The following TMC7 variants were observed in gnomAD, a reference collection of about 807,000 sequenced individuals.
The protein encoded by TMC7 is transmembrane channel like 7.
TMC7 carries 54 observed loss-of-function variants against 82.9 expected under a neutral mutation model. That is an observed-to-expected ratio of 0.65 (90% confidence interval 0.52 to 0.82). The LOEUF (loss-of-function observed/expected upper bound fraction) is 0.82. Among genes scored for constraint, TMC7 ranks in the 40% least tolerant of loss-of-function variants. The pLI is 0.00. For missense variants in TMC7, 820 were observed against 901.2 expected (o/e 0.91, Z 1.15); for synonymous variants, 350 against 337.9 (o/e 1.04, Z -0.39).
chr16:19,042,517 C>CT (rs1394691889), intron 9 of TMC7, among the ~76,000 whole-genome samples: 8 of 114,816 alleles, frequency 7.0e-5, no homozygotes, highest in Non-Finnish European at 1.1e-4. Context: ...TTTTTTTTTT[C>CT]TTTTTTTTGA....
chr16:19,045,201 C>A, intron 10 of TMC7, 140 bp from the exon 11 acceptor site: 1 of 845,260 alleles, frequency 1.2e-6, no homozygotes, highest in Non-Finnish European at 2.0e-6. Context: ...TGTGCTGAGG[C>A]TCAGAGTTTG....
intron 1 of TMC7, among the ~76,000 whole-genome samples, chr16:18,990,565 G>T (rs1003509748): frequency 1.3e-5 from 2 of 152,198 alleles, no homozygotes; most frequent in Non-Finnish European, 2.9e-5. Flanking sequence ...CAGGCTTTGC[G>T]TGAGCAGCGT....
At chr16:19,047,002 T>G in intron 11 of TMC7, 61 bp from the exon 12 acceptor site, 156 of 1,410,218 alleles carry the variant, frequency 1.1e-4, no homozygotes, top group Non-Finnish European at 1.4e-4. Context: ...CTGATCTTTG[T>G]GATATGGTTC....
intron 5 of TMC7, among the ~76,000 whole-genome samples, chr16:19,025,158 A>G (rs948435244): frequency 6.6e-6 from 1 of 152,210 alleles, no homozygotes. Flanking sequence ...TGCCAGCAGC[A>G]CTGCCCTCTT....
chr16:19,049,553 C>T, intron 12 of TMC7: 1 of 887,994 alleles, frequency 1.1e-6, no homozygotes, highest in Non-Finnish European at 1.4e-6. Flanking sequence ...TGGCCGAAAT[C>T]ATCAAAGGAG....
intron 1 of TMC7, among the ~76,000 whole-genome samples, chr16:19,002,526 A>G (rs1308941659): frequency 6.6e-6 from 1 of 151,866 alleles, no homozygotes; most frequent in Non-Finnish European, 1.5e-5. Context: ...CGTGAGCCAC[A>G]GTGCCCAGCC....
At chr16:19,044,862 C>CTCTCTCCT (rs1567525441) in intron 9 of TMC7, 22 bp from the exon 10 acceptor site, 1 of 1,596,078 alleles carries the variant, frequency 6.3e-7, no homozygotes, top group South Asian at 1.1e-5. Flanking sequence ...TCTTCCCATC[C>CTCTCTCCT]TCTCTCCTTC....
Position 19,056,677 on chromosome 16 carries a change from TC to T in TMC7, c.2009del (p.Pro670LeufsTer4). 6.2e-7 allele frequency: 1 copy of T among 1,613,966 alleles called. No individual in the cohort carries two copies. The highest frequency in any genetic ancestry group is 1.6e-4 in the Middle Eastern group (1 of 6,062). The stretch of plus-strand genomic sequence containing the variant: ...GTGTCACATCCGAAGCCTTTGCAGT[TC>T]CTTTCTTCATGATTATTTGGTGAGT... ...HGVTSEAFAV[P>X]FFMIICLIMF... On this transcript the variant is annotated frameshift_variant, in exon 14 of 16. Transcript: ENST00000304381. LOFTEE classifies it high-confidence loss of function.
intron 1 of TMC7, among the ~76,000 whole-genome samples, chr16:19,002,765 A>G (rs1172891553): frequency 6.6e-6 from 1 of 152,186 alleles, no homozygotes; most frequent in Non-Finnish European, 1.5e-5. Context: ...GCACCCCAAT[A>G]TCTGAAATAT....
intron 1 of TMC7, among the ~76,000 whole-genome samples, chr16:19,001,119 T>A (rs1377338874): frequency 1.3e-5 from 2 of 152,238 alleles, no homozygotes; most frequent in Non-Finnish European, 2.9e-5. Flanking sequence ...TAAAATCTTT[T>A]ACTCATTTTT....
chr16:18,999,320 A>C (rs934474693), intron 1 of TMC7, among the ~76,000 whole-genome samples: 3 of 152,214 alleles, frequency 2.0e-5, no homozygotes, highest in Admixed American at 6.5e-5. Context: ...CAATTGCTTA[A>C]TAGTCCCATG....
At chr16:19,022,988 C>T (rs1960051284) in intron 4 of TMC7, 125 bp from the exon 5 acceptor site, 1 of 507,290 alleles carries the variant, frequency 2.0e-6, no homozygotes, top group Non-Finnish European at 3.5e-6. Context: ...CCATTGCACT[C>T]CAGTCTGGAT....
chr16:19,003,441 C>G (rs539096232), intron 1 of TMC7, among the ~76,000 whole-genome samples: 2 of 149,238 alleles, frequency 1.3e-5, no homozygotes, highest in Non-Finnish European at 3.0e-5. Flanking sequence ...CCAGCCGCCC[C>G]GTCCGGGAGG....
intron 7 of TMC7, among the ~76,000 whole-genome samples, 164 bp downstream of exon 7, chr16:19,035,987 C>T (rs1431038189): frequency 6.6e-6 from 1 of 152,116 alleles, no homozygotes; most frequent in Non-Finnish European, 1.5e-5. Context: ...ACAGCGAACA[C>T]GTTACTGGGG....
chr16:19,014,211 G>A (rs1291073957), intron 2 of TMC7, among the ~76,000 whole-genome samples: 1 of 151,990 alleles, frequency 6.6e-6, no homozygotes, highest in Non-Finnish European at 1.5e-5. Flanking sequence ...TCTCTGTTGT[G>A]GAGGGCTGTC....
intron 15 of TMC7, chr16:19,059,744 A>C: frequency 2.1e-6 from 3 of 1,410,072 alleles, no homozygotes; most frequent in Non-Finnish European, 2.9e-6. Flanking sequence ...TGGGAGGCCG[A>C]GGCAGGCAGA....
chr16:19,057,006 G>A (rs1290931441), intron 14 of TMC7, among the ~76,000 whole-genome samples: 1 of 152,064 alleles, frequency 6.6e-6, no homozygotes, highest in Non-Finnish European at 1.5e-5. Flanking sequence ...GGGCATGGTG[G>A]TGCATGCCTG....
At chr16:18,992,282 G>T (rs372550522) in intron 1 of TMC7, among the ~76,000 whole-genome samples, 1 of 152,018 alleles carries the variant, frequency 6.6e-6, no homozygotes, top group East Asian at 1.9e-4. Context: ...TTTTAATGAT[G>T]GCCATTCTAA....
chr16:19,020,534 GA>G (rs142290689), intron 3 of TMC7, among the ~76,000 whole-genome samples: 2,851 of 152,182 alleles, frequency 0.019, 77 homozygotes, highest in African/African-American at 0.065. Flanking sequence ...CAAACATTTA[GA>G]AAGTGAAATT....
Sources: gnomAD v4.1 joint callset for allele counts (sites outside exome capture counted in the v4.1 genomes callset) on GRCh38, gnomAD v4.1.1 for gene constraint, MANE v1.5 for transcripts, NCBI Gene and HGNC (gene_info 2026-07-23, HGNC 2026-07-21) for gene names.